ANKFY1: variants seen among roughly 807,000 people sequenced by gnomAD.
ANKFY1 encodes the protein ankyrin repeat and FYVE domain-containing protein 1.
ANKFY1 carries 47 observed loss-of-function variants against 128.3 expected under a neutral mutation model. The ratio of observed to expected loss-of-function variants is 0.37; its 90% confidence interval spans 0.29 to 0.47. The LOEUF is 0.47. ANKFY1 is among the 20% of genes least tolerant of loss of function. The pLI is 1.00. For synonymous variants in ANKFY1, 553 were observed against 601.6 expected, an observed-to-expected ratio of 0.92 and a Z score of 1.18; for missense variants, 1,222 against 1,510.6, an observed-to-expected ratio of 0.81 and a Z score of 3.17.
chr17:4,190,019 T>A (rs1297831950), intron 10 of ANKFY1, among the ~76,000 whole-genome samples: 1 of 152,148 alleles, frequency 6.6e-6, no homozygotes, highest in Non-Finnish European at 1.5e-5. Flanking sequence ...TGAGGGTGGG[T>A]TAGAGCAAGA....
chr17:4,252,126 GGA>G (rs1218645587), intron 1 of ANKFY1, among the ~76,000 whole-genome samples: 1 of 151,684 alleles, frequency 6.6e-6, no homozygotes, highest in Non-Finnish European at 1.5e-5. Context: ...CAAAAAAACT[GGA>G]GAGTTCACCA....
intron 3 of ANKFY1, among the ~76,000 whole-genome samples, chr17:4,220,836 G>A (rs1320552649): frequency 2.0e-5 from 3 of 152,232 alleles, no homozygotes; most frequent in African/African-American, 7.2e-5. Context: ...ACTTAAGCAA[G>A]TGGTTGTAAA....
intron 16 of ANKFY1, among the ~76,000 whole-genome samples, chr17:4,180,760 C>CAAAAAAAA (rs11392631): frequency 1.2e-4 from 7 of 57,904 alleles, no homozygotes; most frequent in East Asian, 6.1e-4. Context: ...GACTCTGTCT[C>CAAAAAAAA]AAAAAAAAAA....
chr17:4,235,340 CAA>C (rs10677242), intron 3 of ANKFY1, among the ~76,000 whole-genome samples: 2 of 116,736 alleles, frequency 1.7e-5, no homozygotes, highest in Admixed American at 9.8e-5. Context: ...GACTCTGTCT[CAA>C]AAAAAAAAAA....
Position 4,181,213 on chromosome 17 carries a change from C to A in ANKFY1, c.2240+41G>T. 6.6e-7 allele frequency: 1 copy of A among 1,523,720 alleles called. No homozygotes were observed. The highest frequency in any genetic ancestry group is 9.1e-7 in the Non-Finnish European group (1 of 1,099,378). 94.4% of individuals were successfully genotyped at this position (1,523,720 alleles called of 1,614,324 possible). A position where few individuals can be genotyped will look rare whatever the true frequency, so the allele number is the denominator to read the frequency against. On this transcript the variant is annotated intron_variant, in intron 16 of 24. Coordinates refer to ENST00000341657, the MANE Select transcript of ANKFY1 (RefSeq NM_001330063.2). This position sits in a 1 kb window ranked among gnomAD's most constrained non-coding sequence, Gnocchi z 4.9. ...AAGGAAAGAGCCAGTTTGCAACAAG[C>A]TCACTAAAAAGCTGTGGAGAGATAC...
At chr17:4,245,267 CAAACTCCTGAACTCAAACTCCTG>C (rs1452683130) in intron 1 of ANKFY1, among the ~76,000 whole-genome samples, 1 of 152,106 alleles carries the variant, frequency 6.6e-6, no homozygotes, top group Non-Finnish European at 1.5e-5. Context: ...ATCACAGCCT[CAAACTCCTGAACTCAAACTCCTG>C]AAACTCCTGA....
intron 19 of ANKFY1, among the ~76,000 whole-genome samples, chr17:4,175,549 C>T (rs1053324656): frequency 1.3e-5 from 2 of 152,152 alleles, no homozygotes; most frequent in Admixed American, 1.3e-4. Context: ...TGTATGGCCA[C>T]CCCTGGTTCC....
At chr17:4,221,063 T>C (rs1053112526) in intron 3 of ANKFY1, among the ~76,000 whole-genome samples, 1 of 152,238 alleles carries the variant, frequency 6.6e-6, no homozygotes. Context: ...TAAATACACT[T>C]TGGAGACTTT....
At chr17:4,211,224 C>T (rs534019865) in intron 4 of ANKFY1, among the ~76,000 whole-genome samples, 1 of 151,714 alleles carries the variant, frequency 6.6e-6, no homozygotes, top group South Asian at 2.1e-4. Context: ...GGCAACATAG[C>T]GAAACCCCGT....
At chr17:4,220,597 AG>A (rs1376170192) in intron 3 of ANKFY1, among the ~76,000 whole-genome samples, 1 of 152,208 alleles carries the variant, frequency 6.6e-6, no homozygotes, top group Non-Finnish European at 1.5e-5. Context: ...ATTTCCTGGG[AG>A]GGCTTGATAT....
At chr17:4,205,185 C>T (rs1364572395) in intron 7 of ANKFY1, among the ~76,000 whole-genome samples, 3 of 152,040 alleles carry the variant, frequency 2.0e-5, no homozygotes, top group African/African-American at 4.8e-5. Flanking sequence ...TTGATGTCTA[C>T]GTGTAAGTAA....
chr17:4,171,415 C>T (rs1020082995), intron 22 of ANKFY1, among the ~76,000 whole-genome samples: 2 of 152,222 alleles, frequency 1.3e-5, no homozygotes, highest in African/African-American at 4.8e-5. Context: ...ACAATTACAG[C>T]TAACTGTCGC....
chr17:4,186,697 C>T (rs1422099378), intron 11 of ANKFY1: 1 of 496,590 alleles, frequency 2.0e-6, no homozygotes, highest in African/African-American at 2.1e-5. Flanking sequence ...TCCTCCTCCT[C>T]CCCTGCTCCT....
At chr17:4,261,867 C>T (rs1968436812) in intron 1 of ANKFY1, among the ~76,000 whole-genome samples, 1 of 152,214 alleles carries the variant, frequency 6.6e-6, no homozygotes. Flanking sequence ...CCGCCTCACT[C>T]CTGTGAGCAA....
chr17:4,179,764 G>A lies in ANKFY1; in HGVS notation c.2354C>T (p.Thr785Ile), dbSNP rs2059476247. The change falls in exon 17 of 25, where the codon ACA (threonine) becomes ATA (isoleucine). Residue 785 changes from threonine (T) to isoleucine (I), a missense_variant. By Grantham distance (89) the Thr-to-Ile change is moderately conservative (BLOSUM62 -1). Transcript: ENST00000341657. ...HLAASWGLEE[T>I]VQCLLEFGAN... ...ACCAAACTCCAGAAGACACTGTACT[G>A]TCTCTTCCAGCCCCCAAGAGGCTGC... The A allele has an allele frequency of 3.7e-6, 6 of 1,614,216 alleles. No individual in the cohort carries two copies. Among genetic ancestry groups the A allele is most frequent in the Non-Finnish European group, 5.1e-6 (6 of 1,180,052 alleles).
Position 4,182,982 on chromosome 17 carries a change from T to A in ANKFY1, c.1952+416A>T, listed in dbSNP as rs577903015. On this transcript the variant is annotated intron_variant, in intron 14 of 24. Coordinates refer to ENST00000341657, the MANE Select transcript of ANKFY1 (RefSeq NM_001330063.2). ...TGAGCTGGGCGTGGTGGTGGGCGCC[T>A]GTAATCCCAGCTACTTGGGAGGCTG... Among the ~76,000 whole-genome samples the A allele has an allele frequency of 3.9e-5, 6 of 152,206 alleles. No individual in the cohort carries two copies. In the East Asian group the frequency reaches 9.7e-4, roughly 25 times the overall value.
At position 4,172,596 on chromosome 17, in the gene ANKFY1, C is replaced by CG; in HGVS notation, c.3098dup (p.Tyr1035ValfsTer40). The CG allele has an allele frequency of 6.2e-7, 1 of 1,614,074 alleles. No individual in the cohort carries two copies. The highest frequency in any genetic ancestry group is 8.5e-7 in the Non-Finnish European group (1 of 1,179,958). ...CATCCGGCTTGTCCAGAGGATACCC[C>CG]GGCATGCATTCTAGGAAGAGATCAA... On this transcript the variant is annotated frameshift_variant, in exon 22 of 25. Transcript: ENST00000341657. LOFTEE classifies it high-confidence loss of function.
chr17:4,228,532 C>G (rs1223217780), intron 3 of ANKFY1, among the ~76,000 whole-genome samples: 4 of 152,040 alleles, frequency 2.6e-5, no homozygotes, highest in African/African-American at 7.2e-5. Context: ...TCTCCTACCT[C>G]AGCCTCCCAA....
intron 10 of ANKFY1, among the ~76,000 whole-genome samples, chr17:4,192,703 A>G (rs1222063602): frequency 6.6e-6 from 1 of 152,172 alleles, no homozygotes; most frequent in Non-Finnish European, 1.5e-5. Context: ...ATATCTCCCA[A>G]TAGAACAAAG....
Sources: gnomAD v4.1 joint callset for allele counts (sites outside exome capture counted in the v4.1 genomes callset) on GRCh38, gnomAD v4.1.1 for gene constraint, Gnocchi (gnomAD v3.1) non-coding constraint, MANE v1.5 for transcripts, NCBI Gene and HGNC (gene_info 2026-07-23, HGNC 2026-07-21) for gene names.